TAFA1: variants seen among roughly 807,000 people sequenced by gnomAD.
TAFA1 encodes the protein chemokine-like protein TAFA-1.
A neutral mutation model predicts 18.5 loss-of-function variants in TAFA1; 4 were observed. That is an observed-to-expected ratio of 0.22 (90% CI 0.11 to 0.49). The LOEUF is 0.49. Ranked by LOEUF, TAFA1 falls within the 20% of genes least tolerant of loss-of-function variation. The pLI, the probability that TAFA1 is intolerant of heterozygous loss-of-function variation, is 0.98. For missense variants in TAFA1, 147 were observed against 169.0 expected (o/e 0.87, Z 0.72); for synonymous variants, 56 against 55.2 (o/e 1.01, Z -0.06).
chr3:68,366,041 G>T (rs1488535069), intron 2 of TAFA1, among the ~76,000 whole-genome samples: 2 of 138,710 alleles, frequency 1.4e-5, no homozygotes, highest in Admixed American at 8.1e-5. Flanking sequence ...AGCCGAGATT[G>T]CACCACCGCA....
intron 2 of TAFA1, among the ~76,000 whole-genome samples, chr3:68,395,066 A>G (rs1168025931): frequency 2.0e-5 from 3 of 152,210 alleles, no homozygotes; most frequent in African/African-American, 2.4e-5. Context: ...AAGGGCTAAT[A>G]TCCAGAAACT....
intron 2 of TAFA1, among the ~76,000 whole-genome samples, chr3:68,222,421 G>C (rs2066742161): frequency 6.6e-6 from 1 of 152,156 alleles, no homozygotes; most frequent in Non-Finnish European, 1.5e-5. Context: ...GTTGTATGAA[G>C]AGTGAGACCA....
At chr3:68,082,508 A>C (rs1302866081) in intron 2 of TAFA1, among the ~76,000 whole-genome samples, 3 of 152,198 alleles carry the variant, frequency 2.0e-5, no homozygotes, top group African/African-American at 7.2e-5. Context: ...TGTGACATCA[A>C]ACAAATTATT....
At chr3:68,479,346 C>T (rs147864850) in intron 3 of TAFA1, among the ~76,000 whole-genome samples, 5 of 150,676 alleles carry the variant, frequency 3.3e-5, no homozygotes, top group Admixed American at 6.6e-5. Flanking sequence ...CACATATTTC[C>T]ACTCTGTATA....
chr3:68,437,208 T>A (rs1028266302), intron 3 of TAFA1, among the ~76,000 whole-genome samples: 1 of 152,122 alleles, frequency 6.6e-6, no homozygotes, highest in African/African-American at 2.4e-5. Flanking sequence ...GAAACAAGAT[T>A]GGTTACAAGA....
intron 2 of TAFA1, among the ~76,000 whole-genome samples, chr3:68,350,272 G>T (rs1481084211): frequency 6.6e-6 from 1 of 152,086 alleles, no homozygotes; most frequent in Admixed American, 6.6e-5. Context: ...CAAATCCAAA[G>T]AAAAGCAAAA....
At chr3:68,007,552 G>A (rs1166858693) in intron 2 of TAFA1, among the ~76,000 whole-genome samples, 1 of 151,788 alleles carries the variant, frequency 6.6e-6, no homozygotes, top group African/African-American at 2.4e-5. Flanking sequence ...TTTCTGTTCA[G>A]TATCAGCCTT....
chr3:68,318,648 G>T (rs2068645916), intron 2 of TAFA1, among the ~76,000 whole-genome samples: 4 of 152,058 alleles, frequency 2.6e-5, no homozygotes, highest in Admixed American at 2.6e-4. Context: ...AAATTACTTT[G>T]TTTCCAGTCT....
intron 2 of TAFA1, among the ~76,000 whole-genome samples, chr3:68,081,667 C>CAG (rs2064902287): frequency 6.6e-6 from 1 of 152,138 alleles, no homozygotes; most frequent in Non-Finnish European, 1.5e-5. Context: ...GCAGTCTGCC[C>CAG]CTTCTCAGAT....
intron 3 of TAFA1, among the ~76,000 whole-genome samples, chr3:68,498,420 T>C (rs1276205094): frequency 1.3e-5 from 2 of 152,130 alleles, no homozygotes; most frequent in Non-Finnish European, 2.9e-5. Context: ...AAACGTAAGC[T>C]GGGGGCTAAG....
chr3:68,374,740 C>A (rs547155374), intron 2 of TAFA1, among the ~76,000 whole-genome samples: 1 of 152,284 alleles, frequency 6.6e-6, no homozygotes, highest in South Asian at 2.1e-4. Context: ...TCGGTTACTT[C>A]CAGGTCTCCC....
intron 2 of TAFA1, among the ~76,000 whole-genome samples, chr3:68,129,690 A>G (rs112370325): frequency 5.3e-5 from 8 of 152,178 alleles, no homozygotes; most frequent in African/African-American, 1.7e-4. Context: ...AAAATTTTCA[A>G]TTTTAAAATT....
chr3:68,470,146 T>C (rs1437159029), intron 3 of TAFA1, among the ~76,000 whole-genome samples: 1 of 152,146 alleles, frequency 6.6e-6, no homozygotes, highest in Non-Finnish European at 1.5e-5. Flanking sequence ...AAAGGGAAGT[T>C]TTCCTGCACA....
At chr3:68,254,153 C>G (rs77777841) in intron 2 of TAFA1, among the ~76,000 whole-genome samples, 7 of 110,194 alleles carry the variant, frequency 6.4e-5, no homozygotes, top group African/African-American at 2.1e-4. Context: ...ATCTATCTAT[C>G]TATCTGTCTA....
chr3:68,526,529 T>A lies in TAFA1; in HGVS notation c.260-12227T>A, dbSNP rs139253145. On this transcript the variant is annotated intron_variant, in intron 3 of 4. Transcript: ENST00000478136. The stretch of plus-strand genomic sequence containing the variant: ...ACTGCACAGTGGAATCAACCAAAAG[T>A]GATATTTTAATACCTCAATAACTAT... Among the ~76,000 whole-genome samples the A allele has an allele frequency of 2.0e-3, 305 of 152,236 alleles. 1 individual carries two copies. The highest frequency in any genetic ancestry group is 7.2e-3 in the African/African-American group (298 of 41,544).
At chr3:68,271,091 G>A (rs2067657383) in intron 2 of TAFA1, among the ~76,000 whole-genome samples, 1 of 152,034 alleles carries the variant, frequency 6.6e-6, no homozygotes, top group Non-Finnish European at 1.5e-5. Context: ...GACATGACAG[G>A]AGGCAAGGGG....
chr3:68,159,143 T>C (rs1021286167), intron 2 of TAFA1, among the ~76,000 whole-genome samples: 1 of 152,196 alleles, frequency 6.6e-6, no homozygotes, highest in Non-Finnish European at 1.5e-5. Flanking sequence ...AGGAAAGCCA[T>C]GTGACTTGAA....
intron 2 of TAFA1, among the ~76,000 whole-genome samples, chr3:68,359,350 A>G (rs2069427996): frequency 6.6e-6 from 1 of 152,154 alleles, no homozygotes; most frequent in South Asian, 2.1e-4. Context: ...GTTACCCTAC[A>G]AGGCAAAAGG....
intron 2 of TAFA1, among the ~76,000 whole-genome samples, chr3:68,220,743 A>G (rs6798427): frequency 0.014 from 2,207 of 152,242 alleles, 61 homozygotes; most frequent in African/African-American, 0.05. Context: ...TTTGGGTCAC[A>G]GTGTTCTTTG....
Sources: allele counts gnomAD v4.1 joint callset (sites outside exome capture counted in the v4.1 genomes callset), GRCh38; gene constraint gnomAD v4.1.1; transcripts MANE v1.5; gene names NCBI Gene and HGNC (gene_info 2026-07-23, HGNC 2026-07-21).